Variants in TOP6BL observed in about 807,000 individuals in gnomAD.
The protein encoded by TOP6BL is type 2 DNA topoisomerase 6 subunit B-like.
the TOP6BL span, among the ~76,000 whole-genome samples, chr11:66,765,396 A>G: frequency 2.0e-5 from 3 of 152,220 alleles, no homozygotes; most frequent in Non-Finnish European, 4.4e-5. Context: ...ACATAATTAA[A>G]ATTGAATCAT....
the TOP6BL span, among the ~76,000 whole-genome samples, chr11:66,835,669 A>G: frequency 6.6e-6 from 1 of 152,138 alleles, no homozygotes; most frequent in Non-Finnish European, 1.5e-5. Flanking sequence ...ACCATACAAC[A>G]TGGGCCTTTA....
the TOP6BL span, chr11:66,748,371 CT>C: frequency 1.3e-6 from 2 of 1,530,608 alleles, no homozygotes; most frequent in Non-Finnish European, 1.8e-6. Context: ...GAATTGTGCT[CT>C]TTTCAGATTT....
At chr11:66,831,996 C>CAAAAAAAAAAAAAAA in the TOP6BL span, among the ~76,000 whole-genome samples, 1 of 46,646 alleles carries the variant, frequency 2.1e-5, no homozygotes, top group Non-Finnish European at 4.1e-5. Flanking sequence ...GACTCTGTCT[C>CAAAAAAAAAAAAAAA]AAAAAAAAAA....
At chr11:66,781,455 C>T in the TOP6BL span, among the ~76,000 whole-genome samples, 5 of 152,176 alleles carry the variant, frequency 3.3e-5, no homozygotes, top group Non-Finnish European at 5.9e-5. Flanking sequence ...TCATTAAGGC[C>T]GCCTTTTAAG....
chr11:66,816,625 G>A, the TOP6BL span, among the ~76,000 whole-genome samples: 2 of 152,042 alleles, frequency 1.3e-5, no homozygotes, highest in Non-Finnish European at 2.9e-5. Context: ...ACAGTTGCGC[G>A]AGCATAGCTC....
At chr11:66,775,166 A>G in the TOP6BL span, among the ~76,000 whole-genome samples, 4 of 150,184 alleles carry the variant, frequency 2.7e-5, no homozygotes, top group Admixed American at 2.0e-4. Context: ...TGTGATTTTC[A>G]TTGCTATTAA....
chr11:66,815,224 G>T, the TOP6BL span, among the ~76,000 whole-genome samples: 29 of 152,180 alleles, frequency 1.9e-4, no homozygotes, highest in African/African-American at 6.5e-4. Context: ...TTTGTTTTTG[G>T]GCTTTGCTGG....
chr11:66,766,829 TC>T, the TOP6BL span, among the ~76,000 whole-genome samples: 60 of 152,332 alleles, frequency 3.9e-4, 1 homozygote, highest in South Asian at 9.9e-3. Context: ...ATTTGAGAGT[TC>T]CTCTGAAATA....
chr11:66,785,000 G>A, the TOP6BL span, among the ~76,000 whole-genome samples: 1 of 140,556 alleles, frequency 7.1e-6, no homozygotes, highest in African/African-American at 2.7e-5. Context: ...CTATCGCCCA[G>A]GCTGGAGTGC....
the TOP6BL span, among the ~76,000 whole-genome samples, chr11:66,783,377 C>CAGAT: frequency 6.6e-6 from 1 of 152,014 alleles, no homozygotes; most frequent in Non-Finnish European, 1.5e-5. Flanking sequence ...GACAGACAGA[C>CAGAT]AGATAGATAG....
the TOP6BL span, among the ~76,000 whole-genome samples, chr11:66,811,037 T>G: frequency 1.3e-5 from 2 of 152,156 alleles, no homozygotes; most frequent in African/African-American, 4.8e-5. Flanking sequence ...CACTGCAGCC[T>G]TGAACTCCTA....
the TOP6BL span, among the ~76,000 whole-genome samples, chr11:66,797,982 C>T: frequency 6.6e-6 from 1 of 152,214 alleles, no homozygotes; most frequent in Non-Finnish European, 1.5e-5. Flanking sequence ...TGTGCACTCG[C>T]TCACTTAACT....
the TOP6BL span, among the ~76,000 whole-genome samples, chr11:66,832,532 T>C: frequency 6.6e-6 from 1 of 152,230 alleles, no homozygotes; most frequent in African/African-American, 2.4e-5. Context: ...AAGCATCTTA[T>C]GGACTTTACC....
At chr11:66,764,372 G>A in the TOP6BL span, among the ~76,000 whole-genome samples, 28 of 151,696 alleles carry the variant, frequency 1.8e-4, no homozygotes, top group African/African-American at 5.8e-4. Context: ...AGTGAAAATC[G>A]GCCGGGCGCG....
At chr11:66,827,802 G>A in the TOP6BL span, among the ~76,000 whole-genome samples, 3 of 150,982 alleles carry the variant, frequency 2.0e-5, no homozygotes, top group Admixed American at 2.0e-4. Context: ...CTGTCTCTAC[G>A]AAAAATACAA....
chr11:66,829,804 G>T, the TOP6BL span, among the ~76,000 whole-genome samples: 1 of 152,138 alleles, frequency 6.6e-6, no homozygotes, highest in Non-Finnish European at 1.5e-5. Flanking sequence ...TGGAAGAACT[G>T]CATGAGCCCA....
the TOP6BL span, among the ~76,000 whole-genome samples, chr11:66,799,594 C>G: frequency 6.6e-6 from 1 of 151,788 alleles, no homozygotes; most frequent in Non-Finnish European, 1.5e-5. Flanking sequence ...TGCCTGTAGT[C>G]CCAGCTACTC....
chr11:66,809,219 C>T, the TOP6BL span, among the ~76,000 whole-genome samples: 1 of 152,110 alleles, frequency 6.6e-6, no homozygotes, highest in South Asian at 2.1e-4. Flanking sequence ...GATTTCTACA[C>T]CTAAAGAGAT....
chr11:66,745,454 G>A, the TOP6BL span, among the ~76,000 whole-genome samples: 1 of 152,206 alleles, frequency 6.6e-6, no homozygotes, highest in Non-Finnish European at 1.5e-5. Flanking sequence ...AGGTTCAGAG[G>A]CCACACCTGT....
Sources: allele counts gnomAD v4.1 joint callset (sites outside exome capture counted in the v4.1 genomes callset), GRCh38; gene constraint gnomAD v4.1.1; transcripts MANE v1.5; gene names NCBI Gene and HGNC (gene_info 2026-07-23, HGNC 2026-07-21).